Variants in MCOLN1 observed in about 807,000 individuals in gnomAD.
MCOLN1 encodes mucolipin-1.
A neutral mutation model predicts 70.3 loss-of-function variants in MCOLN1; 50 were observed. The observed-to-expected ratio is 0.71, with a 90% CI of 0.57 to 0.90. The LOEUF (loss-of-function observed/expected upper bound fraction) is 0.90. Ranked by LOEUF, MCOLN1 falls within the 40% of genes least tolerant of loss-of-function variation. MCOLN1 has a pLI of 0.00. For missense variants in MCOLN1, 598 were observed against 803.5 expected (o/e 0.74, Z 3.09); for synonymous variants, 366 against 341.0 (o/e 1.07, Z -0.81).
Position 7,523,726 on chromosome 19 carries a change from A to T in MCOLN1, c.31+945A>T, listed in dbSNP as rs1477276690. ...TGCTGAAAGCTTAGATCTAACCATT[A>T]GGCTGGAAAAAAATAAACAGTGATT... On this transcript the variant is annotated intron_variant, in intron 1 of 13. Transcript: ENST00000264079. 2.0e-5 allele frequency among the ~76,000 whole-genome samples: 3 copies of T among 152,208 alleles called. No homozygotes were observed. The East Asian group carries it at 5.8e-4, about 29-fold the overall frequency.
In MCOLN1 at chr19:7,528,132, A is replaced by G; in HGVS notation, c.778-26A>G. 1 of 1,611,426 alleles carries G rather than the reference A, an allele frequency of 6.2e-7. No homozygotes were observed. The highest frequency in any genetic ancestry group is 8.5e-7 in the Non-Finnish European group (1 of 1,177,776). ...TTGGGGCTTGGGGCTGCCAAGGTTTACTCTGCCCCCAACTGGCCCCCACAG... is the reference window on the plus strand; with the variant it reads ...TTGGGGCTTGGGGCTGCCAAGGTTTGCTCTGCCCCCAACTGGCCCCCACAG... On this transcript the variant is annotated intron_variant, in intron 6 of 13. Coordinates refer to ENST00000264079, the MANE Select transcript of MCOLN1 (RefSeq NM_020533.3). The surrounding 1 kb of genome is among the most constrained non-coding windows in gnomAD (Gnocchi z 4.2).
At position 7,533,599 on chromosome 19, in the gene MCOLN1, G is replaced by A. The variant is rs2022703036; in HGVS notation, c.1652G>A (p.Gly551Asp). 4 of 1,613,488 alleles carry A rather than the reference G, an allele frequency of 2.5e-6. No homozygotes were observed. Among genetic ancestry groups the A allele is most frequent in the Non-Finnish European group, 3.4e-6 (4 of 1,179,974 alleles). The change falls in exon 13 of 14, where the codon GGC (glycine) becomes GAC (aspartate). Residue 551 changes from glycine (G) to aspartate (D), a missense_variant. Physicochemically the swap from Gly to Asp is moderately conservative, Grantham distance 94. Transcript: ENST00000264079. Reference protein sequence around the residue: ...IAQCQDSPTSGKFRRGSGSAC... With the variant: ...IAQCQDSPTSDKFRRGSGSAC... ...CAGTGCCAGGACAGCCCCACCTCCG[G>A]CAAGTTCCGCCGCGGGAGCGGCTCG... is the stretch of plus-strand genomic sequence containing the variant.
At position 7,530,483 on chromosome 19, in the gene MCOLN1, C is replaced by T. The variant is rs772068024; in HGVS notation, c.1557C>T (p.Gly519=). The T allele has an allele frequency of 9.9e-6, 16 of 1,610,276 alleles. No individual in the cohort carries two copies. Among genetic ancestry groups the T allele is most frequent in the East Asian group, 6.7e-5 (3 of 44,880 alleles). ...VLSLFIALIT[G]AYDTIKHPGG... Reference sequence around the variant, plus strand: ...GCCTCTTCATCGCGCTCATCACCGGCGCCTACGACACCATCAAGGTCAGCC... The same window carrying T: ...GCCTCTTCATCGCGCTCATCACCGGTGCCTACGACACCATCAAGGTCAGCC... Residue 519 remains glycine (G), a synonymous_variant, in exon 12 of 14, where the codon GGC becomes GGT. Transcript: ENST00000264079.
In MCOLN1 at chr19:7,533,847, C is replaced by T. The variant is rs982060635; in HGVS notation, c.*52C>T. The T allele has an allele frequency of 1.9e-6, 3 of 1,563,926 alleles. No individual in the cohort carries two copies. The highest frequency in any genetic ancestry group is 2.2e-5 in the East Asian group (1 of 44,572). On this transcript the variant is annotated 3_prime_UTR_variant, in exon 14 of 14. Transcript: ENST00000264079. ...GGCCCTGGACTGCAGAGACCCCCGCCCCCGACCCCGCTTATTTATTTGTAG... is the reference window on the plus strand; with the variant it reads ...GGCCCTGGACTGCAGAGACCCCCGCTCCCGACCCCGCTTATTTATTTGTAG...
intron 10 of MCOLN1, 84 bp from the exon 11 acceptor site, chr19:7,529,506 G>GCCCC: frequency 7.1e-6 from 2 of 280,230 alleles, no homozygotes; most frequent in South Asian, 3.3e-5. Context: ...GCAAGGCCCC[G>GCCCC]CCCCTCCCAC....
intron 5 of MCOLN1, 33 bp from the exon 6 acceptor site, chr19:7,527,831 C>T (rs375110942): frequency 1.4e-5 from 22 of 1,542,894 alleles, no homozygotes; most frequent in South Asian, 6.7e-5. Context: ...GACCCGAAGA[C>T]GCCCCTGACC....
chr19:7,527,719 C>A, intron 5 of MCOLN1, 91 bp downstream of exon 5: 1 of 1,089,170 alleles, frequency 9.2e-7, no homozygotes, highest in Non-Finnish European at 1.4e-6. Context: ...AAGGTGGGGA[C>A]AGGGCCCCCC....
chr19:7,533,100 C>G (rs1446422311), intron 12 of MCOLN1, among the ~76,000 whole-genome samples: 3 of 152,252 alleles, frequency 2.0e-5, no homozygotes, highest in Non-Finnish European at 4.4e-5. Context: ...CACATTGACT[C>G]AGGCCCTTGG....
intron 12 of MCOLN1, 132 bp downstream of exon 12, chr19:7,530,633 A>G (rs2022642610): frequency 2.2e-6 from 2 of 929,144 alleles, no homozygotes; most frequent in Non-Finnish European, 3.4e-6. Context: ...ATGAAACCAA[A>G]AAGAGGGTGG....
Position 7,533,779 on chromosome 19 carries a change from C to T in MCOLN1, c.1727C>T (p.Ser576Leu). ...TCCAGGGACCCCTCGGAGGAGCATT[C>T]GCTGCTGGTGAATTGATTCGACCTG... is the stretch of plus-strand genomic sequence containing the variant. ...CCGRDPSEEHSLLVN is the reference protein window; with the variant it reads ...CCGRDPSEEHLLLVN Residue 576 changes from serine (S) to leucine (L), a missense_variant, in exon 14 of 14, where the codon TCG (serine) becomes TTG (leucine). Physicochemically the swap from Ser to Leu is moderately radical, Grantham distance 145. This residue lies in a region of MCOLN1 where 59 missense variants were observed against 58.8 expected (regional missense o/e 1.00). Coordinates refer to ENST00000264079, the MANE Select transcript of MCOLN1 (RefSeq NM_020533.3). 6.2e-7 allele frequency: 1 copy of T among 1,614,184 alleles called. No homozygotes were observed. The highest frequency in any genetic ancestry group is 8.5e-7 in the Non-Finnish European group (1 of 1,180,026).
In MCOLN1 at chr19:7,526,836, T is replaced by C. The variant is rs767446220; in HGVS notation, c.481T>C (p.Ser161Pro). ...TGGGGGTGACCCTTGGACCAATGGC[T>C]CAGGGCTTGCTCTCTGCCAGCGGTA... is the stretch of plus-strand genomic sequence containing the variant. ...RGGGDPWTNGSGLALCQRYYH... is the reference protein window; with the variant it reads ...RGGGDPWTNGPGLALCQRYYH... The change falls in exon 4 of 14, where the codon TCA becomes CCA. Residue 161 changes from serine (S) to proline (P), a missense_variant. Physicochemically the swap from Ser to Pro is moderately conservative, Grantham distance 74. This residue lies in a region of MCOLN1 where 461 missense variants were observed against 588.4 expected (regional missense o/e 0.78). Coordinates refer to ENST00000264079, the MANE Select transcript of MCOLN1 (RefSeq NM_020533.3). This position sits in a 1 kb window ranked among gnomAD's most constrained non-coding sequence, Gnocchi z 4.6. The C allele has an allele frequency of 1.7e-5, 28 of 1,613,964 alleles. No individual in the cohort carries two copies. In the South Asian group the frequency reaches 2.9e-4, roughly 16 times the overall value.
rs3029891 is a variant in MCOLN1 at position 7,525,490 on chromosome 19, CA to C, written c.237+335del. ...CCTGGGCAACAGAGCAAGACTGTCT[CA>C]AAAAAAAAAAGAAGCCGACTCTGAG... On this transcript the variant is annotated intron_variant, in intron 2 of 13. Transcript: ENST00000264079. This position sits in a 1 kb window ranked among gnomAD's most constrained non-coding sequence, Gnocchi z 4.2. The C allele has an allele frequency of 8.3e-3, 2,125 of 257,176 alleles. No homozygotes were observed. The highest frequency in any genetic ancestry group is 0.02 in the South Asian group (536 of 27,432). 15.9% of individuals were successfully genotyped at this position (257,176 alleles called of 1,614,324 possible).
chr19:7,527,666 G>A (rs775604309), intron 5 of MCOLN1, 38 bp downstream of exon 5: 2 of 1,429,262 alleles, frequency 1.4e-6, no homozygotes, highest in East Asian at 2.3e-5. Flanking sequence ...CAGGGTGGGG[G>A]AGGCAGCACA....
intron 12 of MCOLN1, among the ~76,000 whole-genome samples, chr19:7,531,699 G>A (rs1001724594): frequency 1.3e-5 from 2 of 151,232 alleles, no homozygotes; most frequent in Admixed American, 6.6e-5. Flanking sequence ...ACGGAGTCTC[G>A]CTGTGTCACC....
At chr19:7,523,646 G>C (rs191774594) in intron 1 of MCOLN1, among the ~76,000 whole-genome samples, 327 of 152,346 alleles carry the variant, frequency 2.1e-3, no homozygotes, top group Non-Finnish European at 3.6e-3. Flanking sequence ...ACATCCCCAT[G>C]GGGGTGTGAC....
chr19:7,526,189 C>G lies in MCOLN1; in HGVS notation c.238-250C>G. ...GCAGTGAGATAGATGAGTCCCCACC[C>G]TGTGTTGTACGGGGGAGGACACAGT... On this transcript the variant is annotated intron_variant, in intron 2 of 13. Coordinates refer to ENST00000264079, the MANE Select transcript of MCOLN1 (RefSeq NM_020533.3). The surrounding 1 kb of genome is among the most constrained non-coding windows in gnomAD (Gnocchi z 4.6). The G allele has an allele frequency of 1.7e-6, 1 of 582,090 alleles. No homozygotes were observed. The highest frequency in any genetic ancestry group is 3.1e-6 in the Non-Finnish European group (1 of 324,476). 36.1% of individuals were successfully genotyped at this position (582,090 alleles called of 1,614,324 possible). A position where few individuals can be genotyped will look rare whatever the true frequency, so the allele number is the denominator to read the frequency against.
In MCOLN1 at chr19:7,528,677, C is replaced by T; in HGVS notation, c.958C>T (p.Leu320Phe). ...GTCCTTCCTCCTCTGCGCCCGCTCA[C>T]TCCTTCGAGGCTTCCTGCTGCAGAA... ...SLSFLLCARS[L>F]LRGFLLQNEF... Residue 320 changes from leucine to phenylalanine, a missense_variant, in exon 8 of 14, where the codon CTC becomes TTC. By Grantham distance (22) the Leu-to-Phe change is conservative. This residue lies in a region of MCOLN1 where 461 missense variants were observed against 588.4 expected (regional missense o/e 0.78). Transcript: ENST00000264079. The surrounding 1 kb of genome is among the most constrained non-coding windows in gnomAD (Gnocchi z 4.2). 6.2e-7 allele frequency: 1 copy of T among 1,614,234 alleles called. No individual in the cohort carries two copies. Among genetic ancestry groups the T allele is most frequent in the South Asian group, 1.1e-5 (1 of 91,088 alleles).
chr19:7,528,876 G>A lies in MCOLN1; in HGVS notation c.1040G>A (p.Arg347Gln), dbSNP rs549648443. The A allele has an allele frequency of 4.2e-5, 67 of 1,614,180 alleles. No individual in the cohort carries two copies. The highest frequency in any genetic ancestry group is 1.2e-4 in the African/African-American group (9 of 75,048). ...GGACGGGTCATCAGCCTGTGGGAGC[G>A]GCTGGAATTTGTCAATGGCTGGTAC... ...QRGRVISLWE[R>Q]LEFVNGWYIL... is the part of the protein sequence containing the mutation. Residue 347 changes from arginine to glutamine, a missense_variant, in exon 9 of 14, where the codon CGG becomes CAG. Arg to Gln is a conservative substitution (Grantham distance 43, BLOSUM62 1). Transcript: ENST00000264079. The surrounding 1 kb of genome is among the most constrained non-coding windows in gnomAD (Gnocchi z 4.2).
intron 1 of MCOLN1, 22 bp downstream of exon 1, chr19:7,522,803 TG>T: frequency 7.6e-7 from 1 of 1,324,352 alleles, no homozygotes. Flanking sequence ...GGCGGCACCG[TG>T]GGGCCCCGAA....
Sources: gnomAD v4.1 joint callset for allele counts (sites outside exome capture counted in the v4.1 genomes callset) on GRCh38, gnomAD v4.1.1 for gene constraint, gnomAD v4.1.1 regional missense constraint, Gnocchi (gnomAD v3.1) non-coding constraint, MANE v1.5 for transcripts, NCBI Gene and HGNC (gene_info 2026-07-23, HGNC 2026-07-21) for gene names.